CCDC25: variants seen among roughly 807,000 people sequenced by gnomAD.
CCDC25 encodes coiled-coil domain-containing protein 25.
In CCDC25, 16 loss-of-function variants were observed where a neutral mutation model predicts 35.3. The ratio of observed to expected loss-of-function variants is 0.45; its 90% CI spans 0.31 to 0.69. CCDC25 has a LOEUF of 0.69. Ranked by LOEUF, CCDC25 falls within the 30% of genes least tolerant of loss-of-function variation. The pLI is 0.06. For missense variants in CCDC25, 179 were observed against 250.7 expected, an observed-to-expected ratio of 0.71 and a Z score of 1.93; for synonymous variants, 79 against 80.3, an observed-to-expected ratio of 0.98 and a Z score of 0.09.
intron 8 of CCDC25, among the ~76,000 whole-genome samples, chr8:27,736,641 T>C (rs947283299): frequency 1.3e-5 from 2 of 152,258 alleles, no homozygotes; most frequent in African/African-American, 2.4e-5. Context: ...TGCAAACTGA[T>C]TCTGGCCTAA....
At chr8:27,769,498 G>T (rs939733362) in intron 1 of CCDC25, among the ~76,000 whole-genome samples, 1 of 152,176 alleles carries the variant, frequency 6.6e-6, no homozygotes, top group African/African-American at 2.4e-5. Flanking sequence ...TATCTATGTT[G>T]TTGAAGATTC....
intron 4 of CCDC25, among the ~76,000 whole-genome samples, chr8:27,756,051 A>G (rs1803992055): frequency 6.6e-6 from 1 of 152,214 alleles, no homozygotes; most frequent in African/African-American, 2.4e-5. Context: ...CAAATCTACC[A>G]TAGTAATATA....
chr8:27,746,533 A>T (rs757953564), intron 7 of CCDC25, among the ~76,000 whole-genome samples: 5 of 152,192 alleles, frequency 3.3e-5, no homozygotes, highest in Non-Finnish European at 7.4e-5. Flanking sequence ...AAAGGGCACT[A>T]AAAGGCATAT....
intron 4 of CCDC25, 37 bp from the exon 5 acceptor site, chr8:27,752,624 C>T (rs534207743): frequency 1.3e-6 from 2 of 1,503,174 alleles, no homozygotes; most frequent in Admixed American, 3.4e-5. Context: ...TCCACTACCT[C>T]ATTATCCATT....
At chr8:27,755,469 C>T (rs1803968661) in intron 4 of CCDC25, among the ~76,000 whole-genome samples, 1 of 152,156 alleles carries the variant, frequency 6.6e-6, no homozygotes, top group African/African-American at 2.4e-5. Flanking sequence ...GACAAATGTT[C>T]CTTCCAGAAT....
At chr8:27,769,901 G>C (rs1235987359) in intron 1 of CCDC25, among the ~76,000 whole-genome samples, 1 of 152,218 alleles carries the variant, frequency 6.6e-6, no homozygotes, top group Admixed American at 6.5e-5. Flanking sequence ...TAGCACTTTG[G>C]AAGGCCGAGG....
chr8:27,754,062 A>C (rs775326137), intron 4 of CCDC25, among the ~76,000 whole-genome samples: 6 of 152,230 alleles, frequency 3.9e-5, no homozygotes, highest in African/African-American at 7.2e-5. Context: ...GCAATCTGGC[A>C]AAAAAGCAGT....
At chr8:27,771,565 TC>T (rs974928623) in intron 1 of CCDC25, among the ~76,000 whole-genome samples, 1 of 152,156 alleles carries the variant, frequency 6.6e-6, no homozygotes, top group Non-Finnish European at 1.5e-5. Context: ...CTCCTTTTCT[TC>T]TTGTGATGAT....
At chr8:27,760,599 TG>T (rs893042442) in intron 3 of CCDC25, among the ~76,000 whole-genome samples, 1 of 152,200 alleles carries the variant, frequency 6.6e-6, no homozygotes, top group African/African-American at 2.4e-5. Flanking sequence ...CCAGGACCTA[TG>T]CTAGGTACTG....
Position 27,768,564 on chromosome 8 carries a change from C to CAA in CCDC25, c.29-3315_29-3314dup, listed in dbSNP as rs368194540. On this transcript the variant is annotated intron_variant, in intron 1 of 8. Transcript: ENST00000356537. Reference sequence around the variant, plus strand: ...TGGGAGACAGAGCAAGACTCCATCTCAAAAAAAAAAAAAAAAGAAAAGAAA... The same window carrying CAA: ...TGGGAGACAGAGCAAGACTCCATCTCAAAAAAAAAAAAAAAAAAGAAAAGAAA... 1.6e-3 allele frequency among the ~76,000 whole-genome samples: 166 copies of CAA among 106,398 alleles called. 1 individual carries two copies. Among genetic ancestry groups the CAA allele is most frequent in the African/African-American group, 3.2e-3 (91 of 28,078 alleles). The allele number at this position is 106,398 out of a possible 152,430, so 69.8% of individuals were successfully genotyped here.
At chr8:27,743,824 T>C (rs1803517424) in intron 7 of CCDC25, among the ~76,000 whole-genome samples, 1 of 152,116 alleles carries the variant, frequency 6.6e-6, no homozygotes, top group Admixed American at 6.5e-5. Flanking sequence ...AGCCCAGGAA[T>C]TGGAGGCTGC....
At chr8:27,769,935 A>G (rs1000255792) in intron 1 of CCDC25, among the ~76,000 whole-genome samples, 1 of 152,202 alleles carries the variant, frequency 6.6e-6, no homozygotes, top group Non-Finnish European at 1.5e-5. Flanking sequence ...TGAGGTAAGG[A>G]GTTCGAGACT....
intron 8 of CCDC25, among the ~76,000 whole-genome samples, chr8:27,736,667 G>T (rs1423937341): frequency 6.6e-6 from 1 of 152,202 alleles, no homozygotes; most frequent in African/African-American, 2.4e-5. Context: ...AGTAATTTGA[G>T]CCTCAACATT....
intron 1 of CCDC25, among the ~76,000 whole-genome samples, chr8:27,769,379 A>C (rs1220929950): frequency 6.6e-6 from 1 of 152,190 alleles, no homozygotes; most frequent in African/African-American, 2.4e-5. Context: ...TGTGACTAAC[A>C]CTTAAAGAAT....
chr8:27,751,054 A>T (rs1432954502), intron 5 of CCDC25, among the ~76,000 whole-genome samples: 1 of 152,208 alleles, frequency 6.6e-6, no homozygotes, highest in Non-Finnish European at 1.5e-5. Context: ...TCGTTGCAGA[A>T]GGCTGAAGAG....
intron 7 of CCDC25, among the ~76,000 whole-genome samples, chr8:27,745,666 T>C (rs892921743): frequency 2.6e-5 from 4 of 152,232 alleles, no homozygotes; most frequent in Admixed American, 2.6e-4. Context: ...TCACAGATGC[T>C]GCAGAACACA....
chr8:27,765,089 C>G (rs1394163002), intron 2 of CCDC25, 115 bp downstream of exon 2: 6 of 903,626 alleles, frequency 6.6e-6, no homozygotes, highest in Middle Eastern at 2.9e-4. Context: ...GCTAGTTTAT[C>G]AAAGTAGGTG....
chr8:27,753,238 G>A (rs925797841), intron 4 of CCDC25, among the ~76,000 whole-genome samples: 11 of 152,298 alleles, frequency 7.2e-5, no homozygotes, highest in Middle Eastern at 3.4e-3. Context: ...TCAGAGTCAC[G>A]TGGTGAGTAA....
At chr8:27,769,253 GC>G (rs1050339302) in intron 1 of CCDC25, among the ~76,000 whole-genome samples, 1 of 152,074 alleles carries the variant, frequency 6.6e-6, no homozygotes, top group African/African-American at 2.4e-5. Context: ...AGGCTTAGAG[GC>G]CAAATATTTT....
Sources: gnomAD v4.1 joint callset for allele counts (sites outside exome capture counted in the v4.1 genomes callset) on GRCh38, gnomAD v4.1.1 for gene constraint, MANE v1.5 for transcripts, NCBI Gene and HGNC (gene_info 2026-07-23, HGNC 2026-07-21) for gene names.